Variants in MAP2K4 observed in about 807,000 individuals in gnomAD.
MAP2K4 encodes the protein dual specificity mitogen-activated protein kinase kinase 4.
In MAP2K4, 4 loss-of-function variants were observed where a neutral mutation model predicts 48.5. The observed-to-expected ratio is 0.08, with a 90% CI of 0.04 to 0.19. The LOEUF (loss-of-function observed/expected upper bound fraction) is 0.19, where lower values mean the gene tolerates loss of function less well. Ranked by LOEUF, MAP2K4 falls within the 10% of genes least tolerant of loss-of-function variation. The pLI is 1.00. For missense variants in MAP2K4, 258 were observed against 493.3 expected (o/e 0.52, Z 4.52); for synonymous variants, 166 against 173.1 (o/e 0.96, Z 0.32).
rs567979401 is a variant in MAP2K4, at chr17:12,125,281, C to T, written c.814-13C>T. On this transcript the variant is annotated splice_polypyrimidine_tract_variant and intron_variant, in intron 7 of 10. Coordinates refer to ENST00000353533, the MANE Select transcript of MAP2K4 (RefSeq NM_003010.4). ...AAGGCAATTAATAACTTACACTTGT[C>T]TTTATGTTCCAGCCTGAAAGAATAG... is the stretch of plus-strand genomic sequence containing the variant. 6.2e-7 allele frequency: 1 copy of T among 1,609,380 alleles called. No homozygotes were observed. The highest frequency in any genetic ancestry group is 8.5e-7 in the Non-Finnish European group (1 of 1,175,748).
intron 4 of MAP2K4, among the ~76,000 whole-genome samples, chr17:12,102,175 A>G (rs1971957965): frequency 6.6e-6 from 1 of 151,996 alleles, no homozygotes; most frequent in South Asian, 2.1e-4. Context: ...AGGTTAAGGA[A>G]GTTTCTTTTT....
intron 5 of MAP2K4, among the ~76,000 whole-genome samples, 181 bp downstream of exon 5, chr17:12,108,090 G>A (rs1276903643): frequency 6.6e-6 from 1 of 152,068 alleles, no homozygotes; most frequent in Non-Finnish European, 1.5e-5. Flanking sequence ...TAATGGTCTC[G>A]ATAAATACTG....
chr17:12,128,798 T>G (rs1972939036), intron 8 of MAP2K4, among the ~76,000 whole-genome samples: 1 of 152,236 alleles, frequency 6.6e-6, no homozygotes. Flanking sequence ...AGTAAAATAG[T>G]TCTAAAACCA....
intron 4 of MAP2K4, 22 bp downstream of exon 4, chr17:12,095,716 G>T: frequency 6.2e-7 from 1 of 1,609,852 alleles, no homozygotes; most frequent in Non-Finnish European, 8.5e-7. Flanking sequence ...CTGGGTTTTA[G>T]CTGACTAATG....
At chr17:12,092,915 A>C (rs530949489) in intron 3 of MAP2K4, among the ~76,000 whole-genome samples, 49 of 152,154 alleles carry the variant, frequency 3.2e-4, no homozygotes, top group African/African-American at 1.1e-3. Context: ...AGTCCCAGCT[A>C]CTCGGGAGGC....
At chr17:12,090,459 G>A (rs758992648) in intron 3 of MAP2K4, among the ~76,000 whole-genome samples, 3 of 152,138 alleles carry the variant, frequency 2.0e-5, no homozygotes, top group Non-Finnish European at 4.4e-5. Context: ...TATTTATTGA[G>A]CATCTAGGCA....
At chr17:12,023,469 C>G (rs761918132) in intron 1 of MAP2K4, among the ~76,000 whole-genome samples, 1 of 152,078 alleles carries the variant, frequency 6.6e-6, no homozygotes, top group Non-Finnish European at 1.5e-5. Flanking sequence ...TGATGTACTT[C>G]CATTCCTTCT....
chr17:12,046,850 G>T (rs1354971234), intron 1 of MAP2K4, among the ~76,000 whole-genome samples: 1 of 151,814 alleles, frequency 6.6e-6, no homozygotes, highest in Non-Finnish European at 1.5e-5. Context: ...TTCCTTGTTA[G>T]ATGAGCAGCT....
chr17:12,139,436 T>C (rs935300586), intron 9 of MAP2K4, among the ~76,000 whole-genome samples: 3 of 152,190 alleles, frequency 2.0e-5, no homozygotes, highest in Non-Finnish European at 4.4e-5. Flanking sequence ...ACTTGATTGC[T>C]GGTTTCTCTT....
Position 12,020,970 on chromosome 17 carries a change from G to A in MAP2K4, c.84G>A (p.Ala28=). Residue 28 remains alanine (A), a synonymous_variant, in exon 1 of 11, where the codon GCG becomes GCA. Coordinates refer to ENST00000353533, the MANE Select transcript of MAP2K4 (RefSeq NM_003010.4). ...CCCCCGGCCCCGTAGGGTCCCCGGC[G>A]CCAGGCCACCCGGCCGTCAGCAGCA... is the stretch of plus-strand genomic sequence containing the variant. ...SGTPGPVGSP[A]PGHPAVSSMQ... is the part of the protein sequence containing the mutation. 8.2e-7 allele frequency: 1 copy of A among 1,213,162 alleles called. No individual in the cohort carries two copies. Among genetic ancestry groups the A allele is most frequent in the Non-Finnish European group, 1.0e-6 (1 of 975,964 alleles). The allele number at this position is 1,213,162 out of a possible 1,614,324, so 75.1% of individuals were successfully genotyped here.
At chr17:12,100,632 G>T (rs1176244427) in intron 4 of MAP2K4, among the ~76,000 whole-genome samples, 2 of 152,096 alleles carry the variant, frequency 1.3e-5, no homozygotes, top group Non-Finnish European at 2.9e-5. Context: ...TTTAAAAAAT[G>T]GACAAACTTT....
At chr17:12,074,421 T>A (rs1970926431) in intron 2 of MAP2K4, among the ~76,000 whole-genome samples, 1 of 152,206 alleles carries the variant, frequency 6.6e-6, no homozygotes, top group African/African-American at 2.4e-5. Flanking sequence ...CAGGTCTTGC[T>A]TTTTAGCTTT....
chr17:12,136,233 A>G (rs1009157633), intron 9 of MAP2K4, among the ~76,000 whole-genome samples: 1 of 152,168 alleles, frequency 6.6e-6, no homozygotes, highest in Admixed American at 6.5e-5. Flanking sequence ...ATCAGAAACA[A>G]TGGATAGTAG....
intron 2 of MAP2K4, among the ~76,000 whole-genome samples, chr17:12,067,934 C>G (rs916731784): frequency 1.3e-5 from 2 of 151,952 alleles, no homozygotes; most frequent in South Asian, 4.2e-4. Flanking sequence ...GAACCAGGTG[C>G]TATGAGAAAA....
At position 12,141,287 on chromosome 17, in the gene MAP2K4, A is replaced by G; in HGVS notation, c.*27A>G. On this transcript the variant is annotated 3_prime_UTR_variant, in exon 11 of 11. Transcript: ENST00000353533. ...ATCGCTGCTACATCAGACTCTAGAA[A>G]AAAGGGCTGAGAGGAAGCAAGACGT... The G allele has an allele frequency of 6.6e-7, 1 of 1,504,712 alleles. No individual in the cohort carries two copies. Among genetic ancestry groups the G allele is most frequent in the Non-Finnish European group, 9.3e-7 (1 of 1,080,508 alleles). The allele number at this position is 1,504,712 out of a possible 1,614,324, so 93.2% of individuals were successfully genotyped here.
At position 12,143,160 on chromosome 17, in the gene MAP2K4, A is replaced by G. The variant is rs1973428626; in HGVS notation, c.*1900A>G. 4.3e-6 allele frequency: 1 copy of G among 233,162 alleles called. No homozygotes were observed. Among genetic ancestry groups the G allele is most frequent in the Admixed American group, 5.6e-5 (1 of 17,794 alleles). 14.4% of individuals were successfully genotyped at this position (233,162 alleles called of 1,614,324 possible). On this transcript the variant is annotated 3_prime_UTR_variant, in exon 11 of 11. Transcript: ENST00000353533. ...TGTCTGCCTTCGACCACAGCAAGCC[A>G]TCATCCTCCATTGCTCCCGGGGACT...
intron 4 of MAP2K4, among the ~76,000 whole-genome samples, chr17:12,099,479 CT>C (rs1971866203): frequency 6.6e-6 from 1 of 152,128 alleles, no homozygotes; most frequent in Admixed American, 6.5e-5. Flanking sequence ...TAATATTGAG[CT>C]TCTGAAAGTT....
chr17:12,093,280 C>T (rs963646912), intron 3 of MAP2K4, among the ~76,000 whole-genome samples: 1 of 152,174 alleles, frequency 6.6e-6, no homozygotes, highest in Non-Finnish European at 1.5e-5. Context: ...CTGATGATCT[C>T]AAAGATAGAG....
Position 12,141,310 on chromosome 17 carries a change from C to A in MAP2K4, c.*50C>A. 2 of 1,289,922 alleles carry A rather than the reference C, an allele frequency of 1.6e-6. No homozygotes were observed. The highest frequency in any genetic ancestry group is 2.3e-6 in the Non-Finnish European group (2 of 885,220). The allele number at this position is 1,289,922 out of a possible 1,614,324, so 79.9% of individuals were successfully genotyped here. On this transcript the variant is annotated 3_prime_UTR_variant, in exon 11 of 11. Transcript: ENST00000353533. The stretch of plus-strand genomic sequence containing the variant: ...AAAAAAGGGCTGAGAGGAAGCAAGA[C>A]GTAAAGAATTTTCATCCCGTATCAC...
Sources: allele counts gnomAD v4.1 joint callset (sites outside exome capture counted in the v4.1 genomes callset), GRCh38; gene constraint gnomAD v4.1.1; transcripts MANE v1.5; gene names NCBI Gene and HGNC (gene_info 2026-07-23, HGNC 2026-07-21).